Variants in XKR9 observed in about 807,000 individuals in gnomAD.
XKR9 encodes XK-related protein 9.
A neutral mutation model predicts 32.0 loss-of-function variants in XKR9; 32 were observed. That is an observed-to-expected ratio of 1.00 (90% CI 0.76 to 1.34). The LOEUF (loss-of-function observed/expected upper bound fraction) is 1.34, where lower values mean the gene tolerates loss of function less well. Among genes scored for constraint, XKR9 ranks in the 40% most tolerant of loss-of-function variants. XKR9 has a pLI of 0.00. For missense variants in XKR9, 546 were observed against 429.7 expected, an observed-to-expected ratio of 1.27 and a Z score of -2.39; for synonymous variants, 168 against 143.4, an observed-to-expected ratio of 1.17 and a Z score of -1.22.
At chr8:70,854,369 G>C in the XKR9 span, among the ~76,000 whole-genome samples, 1 of 151,990 alleles carries the variant, frequency 6.6e-6, no homozygotes, top group Non-Finnish European at 1.5e-5. Flanking sequence ...TTGTTGATGG[G>C]GTTGTTTTTT....
chr8:70,780,503 A>C (rs62508772), intron 2 of XKR9, among the ~76,000 whole-genome samples: 11,036 of 152,156 alleles, frequency 0.073, 470 homozygotes, highest in Non-Finnish European at 0.089. Flanking sequence ...ATAGAAACAT[A>C]ATGTTCAGTC....
the XKR9 span, among the ~76,000 whole-genome samples, chr8:70,863,611 T>A: frequency 3.3e-5 from 5 of 152,162 alleles, no homozygotes; most frequent in Non-Finnish European, 7.3e-5. Flanking sequence ...TAGTCAGATA[T>A]ATGTGTTGAA....
the XKR9 span, among the ~76,000 whole-genome samples, chr8:70,867,984 G>A: frequency 2.0e-5 from 3 of 152,210 alleles, no homozygotes; most frequent in Non-Finnish European, 2.9e-5. Flanking sequence ...AAATCCAGCA[G>A]GGCAGTCAAA....
At chr8:70,861,994 T>A in the XKR9 span, among the ~76,000 whole-genome samples, 5 of 152,148 alleles carry the variant, frequency 3.3e-5, no homozygotes, top group African/African-American at 1.2e-4. Flanking sequence ...GTTGATTGTT[T>A]GTGGTGTGGA....
chr8:70,978,169 G>T, the XKR9 span, among the ~76,000 whole-genome samples: 22 of 152,104 alleles, frequency 1.4e-4, no homozygotes, highest in Non-Finnish European at 2.6e-4. Flanking sequence ...GCACACTGGT[G>T]GGTCTTGACT....
At chr8:71,009,393 A>G in the XKR9 span, among the ~76,000 whole-genome samples, 1 of 121,396 alleles carries the variant, frequency 8.2e-6, no homozygotes, top group Non-Finnish European at 2.0e-5. Context: ...GTGTGGCCCA[A>G]GAGAATTCTT....
chr8:70,854,000 A>G, the XKR9 span, among the ~76,000 whole-genome samples: 11,044 of 152,140 alleles, frequency 0.073, 475 homozygotes, highest in Non-Finnish European at 0.089. Context: ...GTGTGCATGT[A>G]TCTTTATAGC....
the XKR9 span, among the ~76,000 whole-genome samples, chr8:70,897,171 A>G: frequency 4.6e-5 from 7 of 152,178 alleles, no homozygotes; most frequent in African/African-American, 1.2e-4. Flanking sequence ...TTCACTTTAC[A>G]TAATGACTCC....
At chr8:70,741,304 G>A (rs1345616793) in intron 2 of XKR9, among the ~76,000 whole-genome samples, 1 of 152,242 alleles carries the variant, frequency 6.6e-6, no homozygotes, top group East Asian at 1.9e-4. Flanking sequence ...GCACACTCTT[G>A]CTGTCACTAT....
At chr8:70,725,963 A>T (rs563899778) in intron 4 of XKR9, among the ~76,000 whole-genome samples, 1 of 152,332 alleles carries the variant, frequency 6.6e-6, no homozygotes, top group Admixed American at 6.5e-5. Flanking sequence ...AATGCATATT[A>T]TGAAAAAAAC....
the XKR9 span, among the ~76,000 whole-genome samples, chr8:71,033,445 T>C: frequency 1.3e-5 from 2 of 152,172 alleles, no homozygotes; most frequent in African/African-American, 4.8e-5. Flanking sequence ...ATAGTAGTGC[T>C]CTCATCACTG....
intron 2 of XKR9, among the ~76,000 whole-genome samples, chr8:70,757,693 C>T (rs142495902): frequency 1.3e-5 from 2 of 152,118 alleles, no homozygotes; most frequent in Admixed American, 6.6e-5. Flanking sequence ...TCAAGTGATT[C>T]TCCTGCCTTA....
chr8:71,046,964 A>G, the XKR9 span, among the ~76,000 whole-genome samples: 8 of 152,340 alleles, frequency 5.3e-5, no homozygotes, highest in African/African-American at 1.9e-4. Flanking sequence ...GGCCTCTAAC[A>G]TGAGGTCTGT....
the XKR9 span, among the ~76,000 whole-genome samples, chr8:70,883,564 A>G: frequency 4.1e-3 from 618 of 152,264 alleles, 33 homozygotes; most frequent in East Asian, 0.098. Context: ...ACTGTTTCCC[A>G]TAGAACCACT....
chr8:70,695,403 C>A (rs1805231973), intron 3 of XKR9, among the ~76,000 whole-genome samples: 2 of 144,332 alleles, frequency 1.4e-5, no homozygotes, highest in African/African-American at 5.1e-5. Flanking sequence ...GTTCAATTCC[C>A]ACCTATGAGT....
intron 4 of XKR9, among the ~76,000 whole-genome samples, chr8:70,727,861 C>T (rs916355318): frequency 2.6e-5 from 4 of 151,716 alleles, no homozygotes; most frequent in Non-Finnish European, 4.4e-5. Context: ...GTCAGTTTAT[C>T]GATCTGGGTA....
chr8:70,877,144 G>C, the XKR9 span, among the ~76,000 whole-genome samples: 1 of 152,016 alleles, frequency 6.6e-6, no homozygotes, highest in Non-Finnish European at 1.5e-5. Flanking sequence ...GAATGAGAGT[G>C]GATCTGAAGG....
chr8:70,961,518 C>CT, the XKR9 span, among the ~76,000 whole-genome samples: 1 of 152,014 alleles, frequency 6.6e-6, no homozygotes, highest in Non-Finnish European at 1.5e-5. Context: ...ACGACCAAGT[C>CT]TTTTTTTGTC....
the XKR9 span, among the ~76,000 whole-genome samples, chr8:70,848,055 C>G: frequency 6.6e-6 from 1 of 152,098 alleles, no homozygotes; most frequent in Middle Eastern, 3.4e-3. Flanking sequence ...AAATTAGATG[C>G]AAAAATTCTC....
Sources: allele counts gnomAD v4.1 joint callset (sites outside exome capture counted in the v4.1 genomes callset), GRCh38; gene constraint gnomAD v4.1.1; transcripts MANE v1.5; gene names NCBI Gene and HGNC (gene_info 2026-07-23, HGNC 2026-07-21).